The following STARD6 variants were observed in gnomAD, a reference collection of about 807,000 sequenced individuals.
STARD6 encodes stAR-related lipid transfer protein 6.
In STARD6, 21 loss-of-function variants were observed where a neutral mutation model predicts 22.3. That is an observed-to-expected ratio of 0.94 (90% CI 0.67 to 1.35). The LOEUF (loss-of-function observed/expected upper bound fraction) is 1.35, where lower values mean the gene tolerates loss of function less well. STARD6 is among the 40% of genes most tolerant of loss of function. The pLI, the probability that STARD6 is intolerant of heterozygous loss-of-function variation, is 0.00. For missense variants in STARD6, 269 were observed against 266.9 expected (o/e 1.01, Z -0.05); for synonymous variants, 80 against 88.1 (o/e 0.91, Z 0.52).
At chr18:54,340,747 G>A (rs894129535) in intron 4 of STARD6, among the ~76,000 whole-genome samples, 10 of 152,202 alleles carry the variant, frequency 6.6e-5, no homozygotes, top group South Asian at 2.1e-4. Context: ...TAAAAGATAC[G>A]CTTTAAATTC....
intron 4 of STARD6, among the ~76,000 whole-genome samples, chr18:54,346,954 G>A (rs935864443): frequency 9.2e-5 from 14 of 152,010 alleles, no homozygotes; most frequent in African/African-American, 3.4e-4. Context: ...TTTTTGGGGA[G>A]GAGAATGTTC....
intron 7 of STARD6, among the ~76,000 whole-genome samples, chr18:54,325,136 A>G (rs1043038880): frequency 6.6e-6 from 1 of 152,096 alleles, no homozygotes; most frequent in Non-Finnish European, 1.5e-5. Flanking sequence ...TAAATTTTTC[A>G]TAATTAAAGA....
intron 4 of STARD6, among the ~76,000 whole-genome samples, chr18:54,346,241 A>T (rs2144689141): frequency 6.6e-6 from 1 of 152,256 alleles, no homozygotes; most frequent in South Asian, 2.1e-4. Flanking sequence ...TCAATTTTTT[A>T]AAAAAGAGTT....
intron 4 of STARD6, among the ~76,000 whole-genome samples, chr18:54,345,507 G>C (rs1429245912): frequency 6.6e-6 from 1 of 152,130 alleles, no homozygotes; most frequent in Non-Finnish European, 1.5e-5. Context: ...TTGAACTACA[G>C]AATCAAAGCA....
rs147873442 is a variant in STARD6 at position 54,332,864 on chromosome 18, C to T, written c.268-1005G>A. ...AGGCTAGAGTGAGCTTTGATCACAA[C>T]ACTGCACTCTAGCCTGGGCAAGAGA... On this transcript the variant is annotated intron_variant, in intron 5 of 7. Transcript: ENST00000307844. 1.6e-3 allele frequency among the ~76,000 whole-genome samples: 241 copies of T among 152,202 alleles called. 4 individuals are homozygous for T. In the East Asian group the frequency reaches 0.041, roughly 26 times the overall value.
intron 4 of STARD6, among the ~76,000 whole-genome samples, chr18:54,339,273 A>G (rs901432647): frequency 6.6e-6 from 1 of 151,732 alleles, no homozygotes; most frequent in African/African-American, 2.4e-5. Flanking sequence ...CCGTCTCTCA[A>G]AACAAGAAAG....
rs1170870729 is a variant in STARD6, at chr18:54,329,388, A to G, written c.438T>C (p.Gly146=). Residue 146 remains glycine, a synonymous_variant, in exon 7 of 8, where the codon GGT becomes GGC. Coordinates refer to ENST00000307844, the MANE Select transcript of STARD6 (RefSeq NM_139171.2). ...ATACAAAGCCACAAGGATGGTTATAACCGCGGATATAATTTGAAGATGGAG... is the reference window on the plus strand; with the variant it reads ...ATACAAAGCCACAAGGATGGTTATAGCCGCGGATATAATTTGAAGATGGAG... ...EYPPSSNYIR[G]YNHPCGFVCS... 6.2e-7 allele frequency: 1 copy of G among 1,604,890 alleles called. No homozygotes were observed. The highest frequency in any genetic ancestry group is 2.3e-5 in the East Asian group (1 of 44,250).
In STARD6 at chr18:54,336,823, C is replaced by T. The variant is rs141099803; in HGVS notation, c.267+302G>A. Among the ~76,000 whole-genome samples the T allele has an allele frequency of 5.4e-3, 824 of 152,324 alleles. 8 individuals carry two copies. Among genetic ancestry groups the T allele is most frequent in the African/African-American group, 0.018 (767 of 41,558 alleles). The stretch of plus-strand genomic sequence containing the variant: ...ACAGACTTCCCATCAATAAGGCATA[C>T]TTAACCTTTGTTTTCCATGTAATGG... On this transcript the variant is annotated intron_variant, in intron 5 of 7. Transcript: ENST00000307844.
At chr18:54,346,216 AC>A (rs1433668072) in intron 4 of STARD6, among the ~76,000 whole-genome samples, 4 of 152,178 alleles carry the variant, frequency 2.6e-5, no homozygotes, top group Non-Finnish European at 5.9e-5. Flanking sequence ...TTCCAACTCA[AC>A]GATAAAAAGA....
intron 6 of STARD6, 45 bp from the exon 7 acceptor site, chr18:54,329,485 G>C (rs2088849698): frequency 3.5e-6 from 5 of 1,430,648 alleles, no homozygotes; most frequent in Admixed American, 2.1e-5. Context: ...TCACAAAGAG[G>C]AAAAACTATT....
chr18:54,348,953 A>C (rs2089065793), intron 4 of STARD6, among the ~76,000 whole-genome samples: 1 of 152,128 alleles, frequency 6.6e-6, no homozygotes, highest in Non-Finnish European at 1.5e-5. Flanking sequence ...TAGCCAATAT[A>C]ATATAACTGA....
chr18:54,349,724 A>C (rs928922230), intron 4 of STARD6, among the ~76,000 whole-genome samples: 4 of 152,152 alleles, frequency 2.6e-5, no homozygotes, highest in Non-Finnish European at 5.9e-5. Flanking sequence ...CTCATAGCTT[A>C]GCTTTCATTT....
At chr18:54,329,521 A>G (rs1038205393) in intron 6 of STARD6, 81 bp from the exon 7 acceptor site, 9 of 1,160,528 alleles carry the variant, frequency 7.8e-6, no homozygotes, top group South Asian at 2.9e-5. Flanking sequence ...TTAGAAACAT[A>G]TAGCATTTAA....
intron 4 of STARD6, 102 bp from the exon 5 acceptor site, chr18:54,337,353 G>T: frequency 9.3e-7 from 1 of 1,071,606 alleles, no homozygotes; most frequent in Non-Finnish European, 1.3e-6. Flanking sequence ...TTAGCAAACA[G>T]CAATGAAGAA....
chr18:54,328,185 G>A (rs1386630828), intron 7 of STARD6, among the ~76,000 whole-genome samples: 1 of 152,100 alleles, frequency 6.6e-6, no homozygotes, highest in African/African-American at 2.4e-5. Context: ...GGATAAATGG[G>A]GGAACTACTG....
At chr18:54,341,051 A>G (rs1433726476) in intron 4 of STARD6, among the ~76,000 whole-genome samples, 7 of 152,128 alleles carry the variant, frequency 4.6e-5, no homozygotes, top group Admixed American at 1.3e-4. Flanking sequence ...ATACCTCAAT[A>G]GGTCATTTTC....
chr18:54,327,440 GA>G (rs2088833281), intron 7 of STARD6, among the ~76,000 whole-genome samples: 1 of 152,022 alleles, frequency 6.6e-6, no homozygotes, highest in Admixed American at 6.6e-5. Context: ...TTATATGAGG[GA>G]AAAATAAAAA....
chr18:54,334,413 C>T (rs2088891499), intron 5 of STARD6, among the ~76,000 whole-genome samples: 1 of 152,136 alleles, frequency 6.6e-6, no homozygotes, highest in South Asian at 2.1e-4. Context: ...ACACCAATGG[C>T]TTCCCACTGA....
intron 2 of STARD6, among the ~76,000 whole-genome samples, chr18:54,355,006 C>T (rs139425498): frequency 8.7e-4 from 132 of 152,348 alleles, no homozygotes; most frequent in African/African-American, 2.6e-3. Flanking sequence ...AGTTTAATCA[C>T]ACGTCCTTTG....
Sources: allele counts gnomAD v4.1 joint callset (sites outside exome capture counted in the v4.1 genomes callset), GRCh38; gene constraint gnomAD v4.1.1; transcripts MANE v1.5; gene names NCBI Gene and HGNC (gene_info 2026-07-23, HGNC 2026-07-21).